PEAK1: variants seen among roughly 807,000 people sequenced by gnomAD.
PEAK1 encodes the protein pseudopodium enriched atypical kinase 1, also known as inactive tyrosine-protein kinase PEAK1.
In PEAK1, 54 loss-of-function variants were observed where a neutral mutation model predicts 124.7. The ratio of observed to expected loss-of-function variants is 0.43; its 90% CI spans 0.35 to 0.54. The LOEUF (loss-of-function observed/expected upper bound fraction) is 0.54. Ranked by LOEUF, PEAK1 falls within the 20% of genes least tolerant of loss-of-function variation. The probability of loss-of-function intolerance (pLI) is 0.01; values close to 1 mark genes in which losing one functional copy is unlikely to be tolerated. For missense variants in PEAK1, 2,046 were observed against 2,134.5 expected (o/e 0.96, Z 0.82); for synonymous variants, 719 against 760.0 (o/e 0.95, Z 0.89).
At chr15:77,381,746 T>C (rs1257819054) in intron 1 of PEAK1, among the ~76,000 whole-genome samples, 3 of 152,174 alleles carry the variant, frequency 2.0e-5, no homozygotes. Context: ...GGCAATTAGC[T>C]TGCCTGCTTG....
intron 6 of PEAK1, among the ~76,000 whole-genome samples, chr15:77,230,593 T>G (rs2152895494): frequency 6.6e-6 from 1 of 152,240 alleles, no homozygotes; most frequent in African/African-American, 2.4e-5. Context: ...GAGTGGGATC[T>G]ATTTATCAAA....
chr15:77,286,321 G>T (rs1403055405), intron 3 of PEAK1, 102 bp downstream of exon 3: 1 of 601,686 alleles, frequency 1.7e-6, no homozygotes, highest in Non-Finnish European at 2.4e-6. Context: ...CTATGGCAAG[G>T]TTTAAAATTA....
chr15:77,271,637 T>C (rs2062039391), intron 5 of PEAK1, among the ~76,000 whole-genome samples: 2 of 152,138 alleles, frequency 1.3e-5, no homozygotes, highest in East Asian at 1.9e-4. Context: ...TGTAGGGACA[T>C]GGATGAAGCT....
chr15:77,303,480 T>A (rs954119204), intron 2 of PEAK1, among the ~76,000 whole-genome samples: 4 of 152,184 alleles, frequency 2.6e-5, no homozygotes, highest in Non-Finnish European at 4.4e-5. Context: ...TTGTTTTAAT[T>A]TGCAATTCCC....
chr15:77,212,072 A>C, intron 6 of PEAK1, among the ~76,000 whole-genome samples: 1 of 152,130 alleles, frequency 6.6e-6, no homozygotes, highest in African/African-American at 2.4e-5. Context: ...TAACTATTGG[A>C]TATGAAGATG....
At chr15:77,226,072 T>TATATATATATATA (rs2059655091) in intron 6 of PEAK1, among the ~76,000 whole-genome samples, 2 of 137,220 alleles carry the variant, frequency 1.5e-5, no homozygotes, top group Non-Finnish European at 3.1e-5. Context: ...TATATATATA[T>TATATATATATATA]ATATATATAT....
intron 5 of PEAK1, among the ~76,000 whole-genome samples, chr15:77,260,715 C>T (rs573596623): frequency 1.1e-3 from 174 of 152,310 alleles, no homozygotes; most frequent in Non-Finnish European, 2.1e-3. Flanking sequence ...CAGCTCCCAG[C>T]GTGAGCGACA....
chr15:77,133,278 G>C lies in PEAK1; in HGVS notation c.3804C>G (p.Ile1268Met), dbSNP rs2053034065. The C allele has an allele frequency of 1.9e-6, 3 of 1,614,236 alleles. No individual in the cohort carries two copies. The highest frequency in any genetic ancestry group is 3.3e-5 in the Admixed American group (2 of 60,028). ...RGPSCRQGRG[I>M]QKPQRQALYR... ...AAAGTGCTTGTCTCTGCGGCTTCTG[G>C]ATGCCTCGGCCCTGTCTGCAAGAGG... Residue 1268 changes from isoleucine to methionine, a missense_variant, in exon 9 of 10, where the codon ATC becomes ATG. Ile to Met is a conservative substitution (Grantham distance 10). Transcript: ENST00000682557. The surrounding 1 kb of genome is among the most constrained non-coding windows in gnomAD (Gnocchi z 4.2).
At position 77,138,302 on chromosome 15, in the gene PEAK1, CT is replaced by C. The variant is rs200001912; in HGVS notation, c.3332-4553del. On this transcript the variant is annotated intron_variant, in intron 8 of 9. Coordinates refer to ENST00000682557, the MANE Select transcript of PEAK1 (RefSeq NM_001385026.1). ...CTTACCATGAAAGGAGCCTGCAGGA[CT>C]GGAAGTAGCCCTGGGTGAGTCACCG... 5.8e-3 allele frequency among the ~76,000 whole-genome samples: 885 copies of C among 152,186 alleles called. 12 individuals are homozygous for C. Among genetic ancestry groups the C allele is most frequent in the African/African-American group, 0.02 (819 of 41,510 alleles).
intron 2 of PEAK1, among the ~76,000 whole-genome samples, chr15:77,314,979 G>A (rs1275375832): frequency 6.6e-6 from 1 of 151,930 alleles, no homozygotes; most frequent in Non-Finnish European, 1.5e-5. Context: ...AGCATCATCC[G>A]TACCCCAAAC....
At chr15:77,352,119 T>G in intron 2 of PEAK1, 2 of 874,720 alleles carry the variant, frequency 2.3e-6, no homozygotes, top group Non-Finnish European at 2.7e-6. Context: ...ACTCAGGAGA[T>G]TGAGGTGTAA....
intron 6 of PEAK1, among the ~76,000 whole-genome samples, chr15:77,211,055 T>TC (rs1307025719): frequency 6.6e-6 from 1 of 152,188 alleles, no homozygotes; most frequent in African/African-American, 2.4e-5. Flanking sequence ...TAAAATCTGG[T>TC]CTGCCATCTC....
intron 2 of PEAK1, among the ~76,000 whole-genome samples, chr15:77,331,653 T>C (rs2065897181): frequency 6.6e-6 from 1 of 152,060 alleles, no homozygotes; most frequent in African/African-American, 2.4e-5. Context: ...AGTCTCATTC[T>C]GTCGCCCAGG....
rs1371533437 is a variant in PEAK1, at chr15:77,109,087, G to A, written c.*5069C>T. 6.6e-6 allele frequency: 1 copy of A among 152,152 alleles called. No individual in the cohort carries two copies. Among genetic ancestry groups the A allele is most frequent in the African/African-American group, 2.4e-5 (1 of 41,412 alleles). The allele number at this position is 152,152 out of a possible 1,614,324, so 9.4% of individuals were successfully genotyped here. On this transcript the variant is annotated 3_prime_UTR_variant, in exon 10 of 10. Transcript: ENST00000682557. ...GTGATGATGAATGGTACACAACTCTGTAGGAAGGTTTATAAAAACAATTAC... is the reference window on the plus strand; with the variant it reads ...GTGATGATGAATGGTACACAACTCTATAGGAAGGTTTATAAAAACAATTAC...
At chr15:77,257,087 T>C (rs1302053601) in intron 5 of PEAK1, among the ~76,000 whole-genome samples, 1 of 152,332 alleles carries the variant, frequency 6.6e-6, no homozygotes, top group South Asian at 2.1e-4. Context: ...TAGTATTCCA[T>C]GGTGCATACG....
chr15:77,304,871 C>G, intron 2 of PEAK1, among the ~76,000 whole-genome samples: 1 of 152,182 alleles, frequency 6.6e-6, no homozygotes, highest in Admixed American at 6.5e-5. Flanking sequence ...ACCTAGCCTA[C>G]TTGGACTTGA....
downstream of PEAK1, chr15:77,103,550 T>C (rs2050716424): frequency 6.6e-6 from 1 of 152,192 alleles, no homozygotes; most frequent in African/African-American, 2.4e-5. Context: ...ATATATTTGC[T>C]CAAGCATGGA....
chr15:77,148,669 T>C (rs1309329746), intron 8 of PEAK1, among the ~76,000 whole-genome samples: 2 of 151,860 alleles, frequency 1.3e-5, no homozygotes, highest in Non-Finnish European at 2.9e-5. Flanking sequence ...GTAATCCCAG[T>C]GCTTTGGGAG....
At chr15:77,136,129 C>T (rs2053303948) in intron 8 of PEAK1, among the ~76,000 whole-genome samples, 1 of 152,148 alleles carries the variant, frequency 6.6e-6, no homozygotes, top group Non-Finnish European at 1.5e-5. Context: ...AAGGTCCAGG[C>T]TGAGGTGGTC....
Sources: gnomAD v4.1 joint callset for allele counts (sites outside exome capture counted in the v4.1 genomes callset) on GRCh38, gnomAD v4.1.1 for gene constraint, Gnocchi (gnomAD v3.1) non-coding constraint, MANE v1.5 for transcripts, NCBI Gene and HGNC (gene_info 2026-07-23, HGNC 2026-07-21) for gene names.